SLC30A2: variants seen among roughly 807,000 people sequenced by gnomAD.
The protein encoded by SLC30A2 is proton-coupled zinc antiporter SLC30A2.
Under a neutral mutation model 39.6 loss-of-function variants are expected in SLC30A2, and 19 were observed. The ratio of observed to expected loss-of-function variants is 0.48; its 90% CI spans 0.34 to 0.70. The LOEUF (loss-of-function observed/expected upper bound fraction) is 0.70. Among genes scored for constraint, SLC30A2 ranks in the 30% least tolerant of loss-of-function variants. The probability of loss-of-function intolerance (pLI) is 0.01; values close to 1 mark genes in which losing one functional copy is unlikely to be tolerated. For synonymous variants in SLC30A2, 195 were observed against 194.8 expected (o/e 1.00, Z -0.01); for missense variants, 387 against 479.4 (o/e 0.81, Z 1.80).
At chr1:26,045,335 C>T (rs2050449259) in intron 1 of SLC30A2, 118 bp from the exon 2 acceptor site, 2 of 784,058 alleles carry the variant, frequency 2.6e-6, no homozygotes, top group South Asian at 1.7e-5. Flanking sequence ...AAGGACGCTC[C>T]GAGCTCGACA....
At chr1:26,044,893 A>T in intron 2 of SLC30A2, 104 bp downstream of exon 2, 2 of 904,994 alleles carry the variant, frequency 2.2e-6, no homozygotes, top group Non-Finnish European at 3.7e-6. Context: ...ATAAAGGCTT[A>T]CTGTAGTGTG....
At position 26,045,551 on chromosome 1, in the gene SLC30A2, C is replaced by T. The variant is rs556576219; in HGVS notation, c.50+296G>A. The T allele has an allele frequency of 2.0e-3, 1,214 of 605,528 alleles. 4 individuals carry two copies. The highest frequency in any genetic ancestry group is 2.8e-3 in the Non-Finnish European group (981 of 344,608). The allele number at this position is 605,528 out of a possible 1,614,324, so 37.5% of individuals were successfully genotyped here. A position where few individuals can be genotyped will look rare whatever the true frequency, so the allele number is the denominator to read the frequency against. On this transcript the variant is annotated intron_variant, in intron 1 of 7. Transcript: ENST00000374276. ...CAGCGCACTTGGGACACAGGGCCTC[C>T]CCGGGGCGGGGCTGCCTGGGGCAAA... is the stretch of plus-strand genomic sequence containing the variant.
Position 26,045,155 on chromosome 1 carries a change from A to G in SLC30A2, c.113T>C (p.Leu38Pro). The G allele has an allele frequency of 6.2e-7, 1 of 1,613,660 alleles. No homozygotes were observed. Among genetic ancestry groups the G allele is most frequent in the Middle Eastern group, 1.7e-4 (1 of 5,870 alleles). ...AGCCAGCTCAATGGCCTGCAAGTCC[A>G]GGCCAGGTCGGGGCAGAGGAATCCA... ...AGWIPLPRPG[L>P]DLQAIELAAQ... The change falls in exon 2 of 8, where the codon CTG (leucine) becomes CCG (proline). Residue 38 changes from leucine to proline, a missense_variant. Leu to Pro is a moderately conservative substitution (Grantham distance 98). Transcript: ENST00000374276.
At chr1:26,040,124 G>GTAC (rs2050380438) in intron 6 of SLC30A2, among the ~76,000 whole-genome samples, 2 of 152,130 alleles carry the variant, frequency 1.3e-5, no homozygotes, top group African/African-American at 4.8e-5. Flanking sequence ...ATTTATGAAT[G>GTAC]TACTTATTGT....
Position 26,038,912 on chromosome 1 carries a change from C to A in SLC30A2, c.*248G>T. ...CTGAGGATTAGGCCCAAATACAGCCCTTCCAGAGCTGGCCCAGGAGCTGGA... is the reference window on the plus strand; with the variant it reads ...CTGAGGATTAGGCCCAAATACAGCCATTCCAGAGCTGGCCCAGGAGCTGGA... On this transcript the variant is annotated 3_prime_UTR_variant, in exon 8 of 8. Transcript: ENST00000374276. 1 of 1,079,342 alleles carries A rather than the reference C, an allele frequency of 9.3e-7. No homozygotes were observed. Among genetic ancestry groups the A allele is most frequent in the Non-Finnish European group, 1.2e-6 (1 of 836,660 alleles). 66.9% of individuals were successfully genotyped at this position (1,079,342 alleles called of 1,614,324 possible). A position where few individuals can be genotyped will look rare whatever the true frequency, so the allele number is the denominator to read the frequency against.
Position 26,039,425 on chromosome 1 carries a change from A to G in SLC30A2, c.974-120T>C, listed in dbSNP as rs1454781613. Reference sequence around the variant, plus strand: ...AGGATGGGGGACCATGAACATGGAGAAGCCCCCAGATTCCATTCCTCTGCC... The same window carrying G: ...AGGATGGGGGACCATGAACATGGAGGAGCCCCCAGATTCCATTCCTCTGCC... On this transcript the variant is annotated intron_variant, in intron 7 of 7. Transcript: ENST00000374276. The surrounding 1 kb of genome is among the most constrained non-coding windows in gnomAD (Gnocchi z 4.3). 23 of 759,360 alleles carry G rather than the reference A, an allele frequency of 3.0e-5. No individual in the cohort carries two copies. Among genetic ancestry groups the G allele is most frequent in the Non-Finnish European group, 4.2e-5 (20 of 472,740 alleles). 47.0% of individuals were successfully genotyped at this position (759,360 alleles called of 1,614,324 possible). A position where few individuals can be genotyped will look rare whatever the true frequency, so the allele number is the denominator to read the frequency against.
intron 6 of SLC30A2, among the ~76,000 whole-genome samples, chr1:26,040,559 T>C (rs1000782651): frequency 7.2e-5 from 11 of 152,130 alleles, no homozygotes; most frequent in African/African-American, 2.4e-4. Context: ...AATAAATATA[T>C]TTTTGAATGG....
At chr1:26,045,244 C>T (rs2124427130) in intron 1 of SLC30A2, 27 bp from the exon 2 acceptor site, 2 of 1,585,782 alleles carry the variant, frequency 1.3e-6, no homozygotes, top group Non-Finnish European at 1.7e-6. Context: ...AGAGGGAACG[C>T]TCAGCTCTGA....
Position 26,039,229 on chromosome 1 carries a change from C to G in SLC30A2, c.1050G>C (p.Val350=). Residue 350 remains valine (V), a synonymous_variant, in exon 8 of 8, where the codon GTG becomes GTC. Transcript: ENST00000374276. The surrounding 1 kb of genome is among the most constrained non-coding windows in gnomAD (Gnocchi z 4.3). ...CCGAGTAGTCCTCGATCTGGATGGTCACGGTGTGGAAGTGGAACTTCCCTT... is the reference window on the plus strand; with the variant it reads ...CCGAGTAGTCCTCGATCTGGATGGTGACGGTGTGGAAGTGGAACTTCCCTT... ...RLQGKFHFHT[V]TIQIEDYSED... is the part of the protein sequence containing the mutation. The G allele has an allele frequency of 6.2e-7, 1 of 1,614,158 alleles. No homozygotes were observed. Among genetic ancestry groups the G allele is most frequent in the Non-Finnish European group, 8.5e-7 (1 of 1,180,008 alleles).
chr1:26,042,397 G>T (rs1569701206), intron 5 of SLC30A2, 152 bp downstream of exon 5: 8 of 692,024 alleles, frequency 1.2e-5, no homozygotes, highest in South Asian at 1.9e-5. Flanking sequence ...GCTGACACTT[G>T]GTAGGTATTG....
At chr1:26,044,965 C>T (rs1309804601) in intron 2 of SLC30A2, 32 bp downstream of exon 2, 3 of 1,580,314 alleles carry the variant, frequency 1.9e-6, no homozygotes, top group Middle Eastern at 1.7e-4. Context: ...ATCCATGCAC[C>T]AACTTCATTT....
At chr1:26,044,948 CCA>C (rs1368700473) in intron 2 of SLC30A2, 47 bp downstream of exon 2, 1 of 1,474,022 alleles carries the variant, frequency 6.8e-7, no homozygotes, top group Non-Finnish European at 9.5e-7. Flanking sequence ...CTGGGAACAT[CCA>C]GTCTATCCAT....
chr1:26,038,257 C>T lies in SLC30A2; in HGVS notation c.*903G>A, dbSNP rs996913297. The T allele has an allele frequency of 1.3e-5, 2 of 152,276 alleles. No individual in the cohort carries two copies. The highest frequency in any genetic ancestry group is 4.8e-5 in the African/African-American group (2 of 41,458). 9.4% of individuals were successfully genotyped at this position (152,276 alleles called of 1,614,324 possible). On this transcript the variant is annotated 3_prime_UTR_variant, in exon 8 of 8. Transcript: ENST00000374276. ...AAGCCACCCCTAAGTCAGGAATCTT[C>T]ACACACAAGCCCCAGGAAGCTGCGG...
chr1:26,040,026 G>A, intron 6 of SLC30A2, 115 bp from the exon 7 acceptor site: 1 of 1,178,674 alleles, frequency 8.5e-7, no homozygotes. Context: ...AGACCTCTTT[G>A]GCCTGCAGGT....
intron 3 of SLC30A2, 104 bp downstream of exon 3, chr1:26,044,194 C>T: frequency 8.0e-7 from 1 of 1,251,718 alleles, no homozygotes; most frequent in Non-Finnish European, 1.1e-6. Flanking sequence ...CCTGGCCTCA[C>T]TCAGGGGAGG....
chr1:26,043,592 C>A, intron 3 of SLC30A2, 41 bp from the exon 4 acceptor site: 2 of 1,597,138 alleles, frequency 1.3e-6, no homozygotes, highest in Non-Finnish European at 1.7e-6. Flanking sequence ...TTGGCATGGG[C>A]CTGGAGCTAA....
In SLC30A2 at chr1:26,042,650, G is replaced by C; in HGVS notation, c.631C>G (p.Gln211Glu). The change falls in exon 5 of 8, where the codon CAG becomes GAG. Residue 211 changes from glutamine (Q) to glutamate (E), a missense_variant. Physicochemically the swap from Gln to Glu is conservative, Grantham distance 29. Coordinates refer to ENST00000374276, the MANE Select transcript of SLC30A2 (RefSeq NM_001004434.3). The part of the protein sequence containing the change: ...HGHSHGTTNQ[Q>E]EENPSVRAAF... ...GCTCGGACGCTGGGGTTCTCCTCCT[G>C]CTGGTTGGTGGTGCCGTGGCTGTGC... 6.2e-7 allele frequency: 1 copy of C among 1,614,198 alleles called. No homozygotes were observed. Among genetic ancestry groups the C allele is most frequent in the Non-Finnish European group, 8.5e-7 (1 of 1,180,020 alleles).
Position 26,037,273 on chromosome 1 carries a change from A to G in SLC30A2, c.*1887T>C, listed in dbSNP as rs3008214. 0.9 allele frequency: 127,990 copies of G among 142,670 alleles called. 57,438 individuals carry two copies. Among genetic ancestry groups the G allele is most frequent in the East Asian group, 0.93 (4,472 of 4,822 alleles). 8.8% of individuals were successfully genotyped at this position (142,670 alleles called of 1,614,324 possible). On this transcript the variant is annotated 3_prime_UTR_variant, in exon 8 of 8. Coordinates refer to ENST00000374276, the MANE Select transcript of SLC30A2 (RefSeq NM_001004434.3). ...TTTTAAGCTGGAGTCTCGCTCTGTCACCCAGGCTGGAGTGCAGTGGTGTGA... is the reference window on the plus strand; with the variant it reads ...TTTTAAGCTGGAGTCTCGCTCTGTCGCCCAGGCTGGAGTGCAGTGGTGTGA...
In SLC30A2 at chr1:26,041,771, A is replaced by G; in HGVS notation, c.767T>C (p.Phe256Ser). 4 of 1,613,560 alleles carry G rather than the reference A, an allele frequency of 2.5e-6. No homozygotes were observed. Among genetic ancestry groups the G allele is most frequent in the Non-Finnish European group, 3.4e-6 (4 of 1,179,496 alleles). Reference protein sequence around the residue: ...EYKYVDPICTFVFSILVLGTT... With the variant: ...EYKYVDPICTSVFSILVLGTT... The stretch of plus-strand genomic sequence containing the variant: ...CCCCAGGACCAGGATGGAGAAGACG[A>G]AGGTGCAGATGGGGTCTACATACTT... Residue 256 changes from phenylalanine to serine, a missense_variant, in exon 6 of 8, where the codon TTC (phenylalanine) becomes TCC (serine). Coordinates refer to ENST00000374276, the MANE Select transcript of SLC30A2 (RefSeq NM_001004434.3).
Sources: allele counts gnomAD v4.1 joint callset (sites outside exome capture counted in the v4.1 genomes callset), GRCh38; gene constraint gnomAD v4.1.1; non-coding constraint Gnocchi (gnomAD v3.1); transcripts MANE v1.5; gene names NCBI Gene and HGNC (gene_info 2026-07-23, HGNC 2026-07-21).